ZNF268: variants seen among roughly 807,000 people sequenced by gnomAD.
ZNF268 encodes zinc finger protein 268, also known as zinc finger protein 3.
A neutral mutation model predicts 29.3 loss-of-function variants in ZNF268; 20 were observed. The observed-to-expected ratio is 0.68, with a 90% CI of 0.48 to 0.99. The LOEUF is 0.99. ZNF268 is among the 50% of genes least tolerant of loss of function. The probability of loss-of-function intolerance (pLI) is 0.00; values close to 1 mark genes in which losing one functional copy is unlikely to be tolerated. For synonymous variants in ZNF268, 429 were observed against 376.9 expected (o/e 1.14, Z -1.60); for missense variants, 1,240 against 1,121.6 (o/e 1.11, Z -1.51).
In ZNF268 at chr12:133,214,746, G is replaced by A. The variant is rs1173792159; in HGVS notation, c.*10216G>A. ...TGGTGGCTGCACAATGTTGTGCATG[G>A]ACTAAATGTCACAGAAATGTACATT... On this transcript the variant is annotated 3_prime_UTR_variant, in exon 6 of 6. Coordinates refer to ENST00000536435, the MANE Select transcript of ZNF268 (RefSeq NM_003415.3). 6.6e-6 allele frequency: 1 copy of A among 152,180 alleles called. No homozygotes were observed. Among genetic ancestry groups the A allele is most frequent in the Non-Finnish European group, 1.5e-5 (1 of 68,044 alleles). 9.4% of individuals were successfully genotyped at this position (152,180 alleles called of 1,614,324 possible). A position where few individuals can be genotyped will look rare whatever the true frequency, so the allele number is the denominator to read the frequency against.
intron 3 of ZNF268, among the ~76,000 whole-genome samples, chr12:133,188,981 G>A (rs1956395729): frequency 6.6e-6 from 1 of 151,924 alleles, no homozygotes; most frequent in Non-Finnish European, 1.5e-5. Context: ...AGCTCATAAA[G>A]ATCTTTTTCT....
chr12:133,204,231 T>G lies in ZNF268; in HGVS notation c.2545T>G (p.Leu849Val), dbSNP rs1299616836. The change falls in exon 6 of 6, where the codon TTA (leucine) becomes GTA (valine). Residue 849 changes from leucine (L) to valine (V), a missense_variant. Transcript: ENST00000536435. ...ATGTGAGAAATCCTTCAGTGGGAAA[T>G]TACGCCTTCTTGTACACCAGAGAAT... ...SQCEKSFSGK[L>V]RLLVHQRMHT... The G allele has an allele frequency of 6.5e-7, 1 of 1,541,940 alleles. No homozygotes were observed. Among genetic ancestry groups the G allele is most frequent in the African/African-American group, 1.4e-5 (1 of 72,984 alleles).
intron 2 of ZNF268, among the ~76,000 whole-genome samples, chr12:133,185,774 TCAG>T (rs1956297797): frequency 6.6e-6 from 1 of 152,150 alleles, no homozygotes; most frequent in Non-Finnish European, 1.5e-5. Flanking sequence ...GTGACCACGT[TCAG>T]ACAAGAGGTA....
chr12:133,191,289 C>T (rs1468902408), intron 3 of ZNF268, among the ~76,000 whole-genome samples, 200 bp from the exon 4 acceptor site: 1 of 151,594 alleles, frequency 6.6e-6, no homozygotes, highest in African/African-American at 2.4e-5. Flanking sequence ...TGCACTCCAT[C>T]CTGGGCAGCA....
chr12:133,200,477 TGTG>T (rs1455840056), intron 5 of ZNF268, among the ~76,000 whole-genome samples: 2 of 152,332 alleles, frequency 1.3e-5, no homozygotes, highest in African/African-American at 2.4e-5. Context: ...ATAGGTGTGA[TGTG>T]GTGCTGAAAA....
chr12:133,200,042 A>T (rs1956713207), intron 5 of ZNF268, among the ~76,000 whole-genome samples: 1 of 151,702 alleles, frequency 6.6e-6, no homozygotes, highest in Non-Finnish European at 1.5e-5. Flanking sequence ...TTCTCCTCTG[A>T]TTTTAGTTAT....
At chr12:133,198,174 C>G in intron 5 of ZNF268, among the ~76,000 whole-genome samples, 1 of 147,206 alleles carries the variant, frequency 6.8e-6, no homozygotes, top group South Asian at 2.2e-4. Flanking sequence ...TTAGGTCTAA[C>G]GTTTAAGTCT....
intron 1 of ZNF268, 99 bp from the exon 2 acceptor site, chr12:133,181,847 G>A: frequency 2.7e-6 from 2 of 745,540 alleles, no homozygotes; most frequent in South Asian, 3.2e-5. Flanking sequence ...AGGAGCCTCA[G>A]CTCCGAGAAT....
rs1956915903 is a variant in ZNF268 at position 133,207,300 on chromosome 12, CATA to C, written c.*2771_*2773del. ...ATGACTTGCAAACCATATTTGTGAACATAGGTTTAAAAATCCATATTTGTGAAC... is the reference window on the plus strand; with the variant it reads ...ATGACTTGCAAACCATATTTGTGAACGGTTTAAAAATCCATATTTGTGAAC... On this transcript the variant is annotated 3_prime_UTR_variant, in exon 6 of 6. Transcript: ENST00000536435. 4.7e-5 allele frequency: 1 copy of C among 21,162 alleles called. No individual in the cohort carries two copies. The highest frequency in any genetic ancestry group is 1.1e-4 in the Non-Finnish European group (1 of 9,182). 1.3% of individuals were successfully genotyped at this position (21,162 alleles called of 1,614,324 possible). A position where few individuals can be genotyped will look rare whatever the true frequency, so the allele number is the denominator to read the frequency against.
rs1451444092 is a variant in ZNF268 at position 133,187,716 on chromosome 12, A to G, written c.34-156A>G. 4.2e-6 allele frequency: 3 copies of G among 706,166 alleles called. No individual in the cohort carries two copies. In the African/African-American group the frequency reaches 5.4e-5, roughly 13 times the overall value. 43.7% of individuals were successfully genotyped at this position (706,166 alleles called of 1,614,324 possible). On this transcript the variant is annotated intron_variant, in intron 2 of 5. Transcript: ENST00000536435. ...CTCTTGGTGCTAAGCCTTGTCAGGA[A>G]GCCATTTCTTTTCTGCCTCTAACCC... is the stretch of plus-strand genomic sequence containing the variant.
chr12:133,204,065 A>T lies in ZNF268; in HGVS notation c.2379A>T (p.Ser793=). 6.4e-7 allele frequency: 1 copy of T among 1,557,332 alleles called. No individual in the cohort carries two copies. The highest frequency in any genetic ancestry group is 8.7e-7 in the Non-Finnish European group (1 of 1,154,064). ...GTGGGAAAGCTTTTAGCAGCAAGTC[A>T]TACCTAATTATACACATGAGAACTC... ...SECGKAFSSK[S]YLIIHMRTHS... is the part of the protein sequence containing the mutation. The change falls in exon 6 of 6, where the codon TCA becomes TCT. Residue 793 remains serine, a synonymous_variant. Transcript: ENST00000536435.
At chr12:133,184,169 G>C (rs1238865239) in intron 2 of ZNF268, among the ~76,000 whole-genome samples, 1 of 150,886 alleles carries the variant, frequency 6.6e-6, no homozygotes, top group African/African-American at 2.4e-5. Context: ...GCGGTGGCGC[G>C]ATCTTGGCTC....
At chr12:133,195,286 A>G (rs1483950903) in intron 5 of ZNF268, among the ~76,000 whole-genome samples, 1 of 152,184 alleles carries the variant, frequency 6.6e-6, no homozygotes, top group Non-Finnish European at 1.5e-5. Context: ...CTTGGTGTAT[A>G]TTTGGGTTCC....
rs1956887330 is a variant in ZNF268 at position 133,205,724 on chromosome 12, TTG to T, written c.*1198_*1199del. ...TCAATATAAGGCACACTTCATGTGT[TTG>T]TGTAGCCTGGAATCTATTCTACCTT... On this transcript the variant is annotated 3_prime_UTR_variant, in exon 6 of 6. Coordinates refer to ENST00000536435, the MANE Select transcript of ZNF268 (RefSeq NM_003415.3). 6.6e-6 allele frequency: 1 copy of T among 152,216 alleles called. No individual in the cohort carries two copies. Among genetic ancestry groups the T allele is most frequent in the Admixed American group, 6.5e-5 (1 of 15,280 alleles). 9.4% of individuals were successfully genotyped at this position (152,216 alleles called of 1,614,324 possible). A position where few individuals can be genotyped will look rare whatever the true frequency, so the allele number is the denominator to read the frequency against.
rs754573912 is a variant in ZNF268 at position 133,202,462 on chromosome 12, A to C, written c.776A>C (p.Asn259Thr). Residue 259 changes from asparagine to threonine, a missense_variant, in exon 6 of 6, where the codon AAT becomes ACT. Asn to Thr is a moderately conservative substitution (Grantham distance 65). Transcript: ENST00000536435. ...CESIESGKTV[N>T]KKSQLMCQQM... ...AGTATTGAATCTGGAAAAACCGTCAATAAGAAATCGCAACTTATGTGCCAA... is the reference window on the plus strand; with the variant it reads ...AGTATTGAATCTGGAAAAACCGTCACTAAGAAATCGCAACTTATGTGCCAA... The C allele has an allele frequency of 1.2e-6, 2 of 1,611,782 alleles. No homozygotes were observed. Among genetic ancestry groups the C allele is most frequent in the African/African-American group, 1.3e-5 (1 of 74,888 alleles).
At position 133,204,132 on chromosome 12, in the gene ZNF268, G is replaced by C; in HGVS notation, c.2446G>C (p.Ala816Pro). ...ATATGAATGTAATGAATGTGGGAAA[G>C]CCTTCATTTGGAAATCACTACTCAT... ...KPYECNECGKAFIWKSLLIVH... is the reference protein window; with the variant it reads ...KPYECNECGKPFIWKSLLIVH... Residue 816 changes from alanine (A) to proline (P), a missense_variant, in exon 6 of 6, where the codon GCC becomes CCC. Ala to Pro is a conservative substitution (Grantham distance 27). Coordinates refer to ENST00000536435, the MANE Select transcript of ZNF268 (RefSeq NM_003415.3). 6.5e-7 allele frequency: 1 copy of C among 1,543,978 alleles called. No individual in the cohort carries two copies. Among genetic ancestry groups the C allele is most frequent in the South Asian group, 1.2e-5 (1 of 84,208 alleles).
chr12:133,189,846 C>A (rs1228650147), intron 3 of ZNF268, among the ~76,000 whole-genome samples: 2 of 152,148 alleles, frequency 1.3e-5, no homozygotes, highest in Non-Finnish European at 2.9e-5. Context: ...CTCGCTCTGT[C>A]GCCTAGGCTG....
At position 133,204,021 on chromosome 12, in the gene ZNF268, C is replaced by G. The variant is rs530140734; in HGVS notation, c.2335C>G (p.Pro779Ala). 4.4e-6 allele frequency: 7 copies of G among 1,575,306 alleles called. No homozygotes were observed. In the African/African-American group the frequency reaches 8.1e-5, roughly 18 times the overall value. ...SHQRTHAGEK[P>A]YGCSECGKAF... ...TCAGCGAACTCATGCAGGGGAAAAG[C>G]CTTATGGGTGCAGTGAATGTGGGAA... Residue 779 changes from proline to alanine, a missense_variant, in exon 6 of 6, where the codon CCT (proline) becomes GCT (alanine). By Grantham distance (27) the Pro-to-Ala change is conservative. This residue lies in a region of ZNF268 where 1,177 missense variants were observed against 1,039.6 expected (regional missense o/e 1.13). Transcript: ENST00000536435.
chr12:133,194,513 C>T (rs1433561338), intron 5 of ZNF268, among the ~76,000 whole-genome samples: 3 of 152,100 alleles, frequency 2.0e-5, no homozygotes, highest in Non-Finnish European at 2.9e-5. Flanking sequence ...ATAAAAAGGG[C>T]TGTTTCTTCA....
Sources: gnomAD v4.1 joint callset for allele counts (sites outside exome capture counted in the v4.1 genomes callset) on GRCh38, gnomAD v4.1.1 for gene constraint, gnomAD v4.1.1 regional missense constraint, MANE v1.5 for transcripts, NCBI Gene and HGNC (gene_info 2026-07-23, HGNC 2026-07-21) for gene names.